The following FAM210A variants were observed in gnomAD, a reference collection of about 807,000 sequenced individuals.
FAM210A encodes mitochondrial inner membrane scaffold 1, also known as family with sequence similarity 210 member A.
Under a neutral mutation model 25.3 loss-of-function variants are expected in FAM210A, and 13 were observed. That is an observed-to-expected ratio of 0.51 (90% CI 0.33 to 0.82). FAM210A has a LOEUF of 0.82. Among genes scored for constraint, FAM210A ranks in the 40% least tolerant of loss-of-function variants. FAM210A has a pLI of 0.02. For synonymous variants in FAM210A, 125 were observed against 118.7 expected, an observed-to-expected ratio of 1.05 and a Z score of -0.35; for missense variants, 319 against 323.2, an observed-to-expected ratio of 0.99 and a Z score of 0.10.
At chr18:13,681,432 G>A (rs1312044296) in intron 2 of FAM210A, among the ~76,000 whole-genome samples, 173 bp downstream of exon 2, 1 of 152,148 alleles carries the variant, frequency 6.6e-6, no homozygotes, top group African/African-American at 2.4e-5. Context: ...CCAGATGCTT[G>A]CTCCAAACAG....
chr18:13,723,367 TATAGATGTAGATAAAAACATAA>T (rs1368555300), intron 1 of FAM210A, among the ~76,000 whole-genome samples: 1 of 152,184 alleles, frequency 6.6e-6, no homozygotes, highest in Non-Finnish European at 1.5e-5. Flanking sequence ...GGAAAAAATA[TATAGATGTAGATAAAAACATAA>T]ATATCTTCAT....
At chr18:13,675,219 T>G (rs2043483617) in intron 2 of FAM210A, among the ~76,000 whole-genome samples, 2 of 149,594 alleles carry the variant, frequency 1.3e-5, no homozygotes, top group African/African-American at 2.4e-5. Flanking sequence ...CTGGCTTCTT[T>G]ATTTCCTGTT....
chr18:13,677,374 C>T (rs2043513794), intron 2 of FAM210A, among the ~76,000 whole-genome samples: 1 of 152,166 alleles, frequency 6.6e-6, no homozygotes, highest in South Asian at 2.1e-4. Context: ...ACGCCCGGCC[C>T]CTGTCCCGCT....
chr18:13,680,837 A>T (rs1787870), intron 2 of FAM210A, among the ~76,000 whole-genome samples: 3 of 151,858 alleles, frequency 2.0e-5, no homozygotes, highest in African/African-American at 4.8e-5. Context: ...GGTCCTCCTA[A>T]GCCTAAAGCA....
intron 1 of FAM210A, among the ~76,000 whole-genome samples, chr18:13,686,375 T>C (rs1311347265): frequency 2.6e-5 from 4 of 152,324 alleles, no homozygotes; most frequent in East Asian, 3.9e-4. Flanking sequence ...CTAATAATGC[T>C]ATAATTCACA....
intron 1 of FAM210A, among the ~76,000 whole-genome samples, chr18:13,723,054 G>A (rs550725061): frequency 7.2e-5 from 11 of 152,046 alleles, no homozygotes; most frequent in Non-Finnish European, 1.6e-4. Flanking sequence ...TCATTAATTC[G>A]ATTAAAATGT....
At chr18:13,678,835 C>G (rs2043525694) in intron 2 of FAM210A, among the ~76,000 whole-genome samples, 1 of 152,162 alleles carries the variant, frequency 6.6e-6, no homozygotes, top group African/African-American at 2.4e-5. Flanking sequence ...GGATAAAGTG[C>G]AGTAGAAATC....
In FAM210A at chr18:13,726,125, G is replaced by A. The variant is rs556103223; in HGVS notation, c.-29+204C>T. On this transcript the variant is annotated intron_variant, in intron 1 of 3. Transcript: ENST00000651643. Reference sequence around the variant, plus strand: ...CTGGCTCGACCCGGAAGGGCGGGGGGACCTCTCTCGGCCGCCGGGGTCTGT... The same window carrying A: ...CTGGCTCGACCCGGAAGGGCGGGGGAACCTCTCTCGGCCGCCGGGGTCTGT... Among the ~76,000 whole-genome samples the A allele has an allele frequency of 2.8e-4, 42 of 152,338 alleles. 1 individual carries two copies. In the South Asian group the frequency reaches 3.5e-3, roughly 13 times the overall value.
chr18:13,672,059 T>A, intron 2 of FAM210A, 86 bp from the exon 3 acceptor site: 1 of 903,586 alleles, frequency 1.1e-6, no homozygotes, highest in Non-Finnish European at 1.7e-6. Flanking sequence ...AACCACACTA[T>A]AATTTTATTA....
chr18:13,666,067 A>G lies in FAM210A; in HGVS notation c.*413T>C, dbSNP rs1445000764. 1 of 167,528 alleles carries G rather than the reference A, an allele frequency of 6.0e-6. No homozygotes were observed. Among genetic ancestry groups the G allele is most frequent in the Non-Finnish European group, 1.3e-5 (1 of 76,488 alleles). The allele number at this position is 167,528 out of a possible 1,614,324, so 10.4% of individuals were successfully genotyped here. A position where few individuals can be genotyped will look rare whatever the true frequency, so the allele number is the denominator to read the frequency against. On this transcript the variant is annotated 3_prime_UTR_variant, in exon 4 of 4. Transcript: ENST00000651643. ...CAAATTACGTACTGAATATAGTTAA[A>G]ATCTTAATGAATAACATAAAAATTA...
At chr18:13,703,606 C>A (rs1271209663) in intron 1 of FAM210A, among the ~76,000 whole-genome samples, 1 of 152,068 alleles carries the variant, frequency 6.6e-6, no homozygotes, top group Admixed American at 6.6e-5. Context: ...CACCCTAAAG[C>A]CAGTAATCCA....
At chr18:13,724,428 T>C (rs1270937050) in intron 1 of FAM210A, among the ~76,000 whole-genome samples, 1 of 152,198 alleles carries the variant, frequency 6.6e-6, no homozygotes, top group Non-Finnish European at 1.5e-5. Flanking sequence ...ACTATACCAC[T>C]GGGTTCGGTT....
chr18:13,692,336 A>G (rs938356059), intron 1 of FAM210A, among the ~76,000 whole-genome samples: 2 of 152,184 alleles, frequency 1.3e-5, no homozygotes, highest in Admixed American at 6.5e-5. Flanking sequence ...CATTAGACAG[A>G]TCAATGAGAC....
chr18:13,718,578 C>T (rs1373201919), intron 1 of FAM210A, among the ~76,000 whole-genome samples: 2 of 151,930 alleles, frequency 1.3e-5, no homozygotes, highest in Non-Finnish European at 2.9e-5. Flanking sequence ...CACATCTTCA[C>T]AAATTGCTCA....
In FAM210A at chr18:13,666,595, C is replaced by T. The variant is rs138091324; in HGVS notation, c.704G>A (p.Arg235Lys). The change falls in exon 4 of 4, where the codon AGG (arginine) becomes AAG (lysine). Residue 235 changes from arginine to lysine, a missense_variant. Transcript: ENST00000651643. ...PPPVKEYLQD[R>K]MEETKELITE... ...GATAAGCTCCTTTGTCTCTTCCATC[C>T]TGTCCTGCAGATACTCCTTGACGGG... 18 of 1,614,030 alleles carry T rather than the reference C, an allele frequency of 1.1e-5. No homozygotes were observed. Among genetic ancestry groups the T allele is most frequent in the Middle Eastern group, 1.6e-4 (1 of 6,082 alleles).
intron 2 of FAM210A, among the ~76,000 whole-genome samples, chr18:13,677,393 T>A (rs1482129876): frequency 1.3e-5 from 2 of 152,184 alleles, no homozygotes; most frequent in African/African-American, 4.8e-5. Context: ...CTTAAGGGCT[T>A]ACAACTCTAA....
At chr18:13,710,830 G>A (rs2043815102) in intron 1 of FAM210A, among the ~76,000 whole-genome samples, 1 of 152,134 alleles carries the variant, frequency 6.6e-6, no homozygotes, top group Non-Finnish European at 1.5e-5. Context: ...TGAGCCTTCA[G>A]GGAGAATGAT....
chr18:13,686,864 T>G (rs1361474941), intron 1 of FAM210A, among the ~76,000 whole-genome samples: 1 of 151,880 alleles, frequency 6.6e-6, no homozygotes, highest in Admixed American at 6.6e-5. Flanking sequence ...AAGGAAAAAA[T>G]AATACAATTC....
At chr18:13,692,282 C>T (rs1284419229) in intron 1 of FAM210A, among the ~76,000 whole-genome samples, 1 of 152,048 alleles carries the variant, frequency 6.6e-6, no homozygotes, top group African/African-American at 2.4e-5. Context: ...GAGACTTAGA[C>T]TCCTACACAA....
Sources: gnomAD v4.1 joint callset for allele counts (sites outside exome capture counted in the v4.1 genomes callset) on GRCh38, gnomAD v4.1.1 for gene constraint, MANE v1.5 for transcripts, NCBI Gene and HGNC (gene_info 2026-07-23, HGNC 2026-07-21) for gene names.